Variants in ARHGEF26 observed in about 807,000 individuals in gnomAD.
ARHGEF26 encodes the protein Rho guanine nucleotide exchange factor (GEF) 26.
A neutral mutation model predicts 89.4 loss-of-function variants in ARHGEF26; 59 were observed. The observed-to-expected ratio is 0.66, with a 90% CI of 0.54 to 0.82. ARHGEF26 has a LOEUF of 0.82. Among genes scored for constraint, ARHGEF26 ranks in the 40% least tolerant of loss-of-function variants. The pLI is 0.00. For missense variants in ARHGEF26, 1,234 were observed against 1,085.6 expected (o/e 1.14, Z -1.92); for synonymous variants, 500 against 428.4 (o/e 1.17, Z -2.06).
At chr3:154,247,001 G>A (rs1717837331) in intron 12 of ARHGEF26, among the ~76,000 whole-genome samples, 1 of 152,164 alleles carries the variant, frequency 6.6e-6, no homozygotes, top group African/African-American at 2.4e-5. Flanking sequence ...GCACCCTGTT[G>A]AGGCCTCTCC....
chr3:154,122,054 G>T lies in ARHGEF26; in HGVS notation c.62G>T (p.Arg21Leu). The change falls in exon 2 of 15, where the codon CGG (arginine) becomes CTG (leucine). Residue 21 changes from arginine (R) to leucine (L), a missense_variant. By Grantham distance (102) the Arg-to-Leu change is moderately radical. Transcript: ENST00000465093. The part of the protein sequence containing the change: ...SNSITPLWRR[R>L]SIPQPHQVLG... ...AGCATAACCCCTTTGTGGCGGAGGC[G>T]GTCGATTCCTCAGCCCCACCAGGTT... is the stretch of plus-strand genomic sequence containing the variant. 6.2e-7 allele frequency: 1 copy of T among 1,611,718 alleles called. No individual in the cohort carries two copies. Among genetic ancestry groups the T allele is most frequent in the South Asian group, 1.1e-5 (1 of 90,962 alleles).
intron 4 of ARHGEF26, among the ~76,000 whole-genome samples, chr3:154,137,783 C>G (rs1367668257): frequency 4.7e-5 from 7 of 149,160 alleles, no homozygotes; most frequent in Non-Finnish European, 1.0e-4. Flanking sequence ...TTGAGACCAG[C>G]CTGGGCAACA....
At chr3:154,213,216 AGT>A (rs536410427) in intron 9 of ARHGEF26, among the ~76,000 whole-genome samples, 3 of 141,920 alleles carry the variant, frequency 2.1e-5, no homozygotes, top group Non-Finnish European at 1.6e-5. Context: ...AGAGAGAGAG[AGT>A]GTGTGTGTGT....
Position 154,255,368 on chromosome 3 carries a change from A to T in ARHGEF26, c.2511A>T (p.Arg837Ser), listed in dbSNP as rs778681523. 3.1e-6 allele frequency: 5 copies of T among 1,613,664 alleles called. No homozygotes were observed. Among genetic ancestry groups the T allele is most frequent in the Admixed American group, 1.7e-5 (1 of 59,956 alleles). ...GGGAACGACTACGAGATGGAGAAAGAGGCTGGTTTCCTATGGAATGTGCCA... is the reference window on the plus strand; with the variant it reads ...GGGAACGACTACGAGATGGAGAAAGTGGCTGGTTTCCTATGGAATGTGCCA... ...YEGERLRDGE[R>S]GWFPMECAKE... Residue 837 changes from arginine to serine, a missense_variant, in exon 15 of 15, where the codon AGA (arginine) becomes AGT (serine). Transcript: ENST00000465093.
At chr3:154,186,164 C>CACACACACCCCT (rs1713521593) in intron 6 of ARHGEF26, among the ~76,000 whole-genome samples, 1 of 151,052 alleles carries the variant, frequency 6.6e-6, no homozygotes, top group Non-Finnish European at 1.5e-5. Flanking sequence ...CACACACACA[C>CACACACACCCCT]ACCCCTATAC....
intron 9 of ARHGEF26, among the ~76,000 whole-genome samples, chr3:154,196,921 G>C (rs1714328020): frequency 6.6e-6 from 1 of 151,866 alleles, no homozygotes; most frequent in Non-Finnish European, 1.5e-5. Context: ...GAAAAAAATA[G>C]GAAGGTACTA....
At position 154,194,717 on chromosome 3, in the gene ARHGEF26, A is replaced by G; in HGVS notation, c.1844A>G (p.Lys615Arg). ...VCKRALKEVS[K>R]LVRLCNEGAR... ...AAAAGAGCCTTGAAGGAAGTTAGCA[A>G]GGTAACTGTTGGGTGACAGTTTGTT... The change falls in exon 9 of 15, where the codon AAG (lysine) becomes AGG (arginine). Residue 615 changes from lysine to arginine, a missense_variant and splice_region_variant. Coordinates refer to ENST00000465093, the MANE Select transcript of ARHGEF26 (RefSeq NM_015595.4). 6.2e-7 allele frequency: 1 copy of G among 1,611,142 alleles called. No individual in the cohort carries two copies. The highest frequency in any genetic ancestry group is 8.5e-7 in the Non-Finnish European group (1 of 1,178,468).
chr3:154,162,603 G>A (rs565857979), intron 6 of ARHGEF26, among the ~76,000 whole-genome samples: 4 of 152,196 alleles, frequency 2.6e-5, no homozygotes, highest in South Asian at 2.1e-4. Flanking sequence ...CGGTGTCTGC[G>A]TGGGTTTTCT....
intron 6 of ARHGEF26, among the ~76,000 whole-genome samples, chr3:154,175,039 C>T (rs1712711971): frequency 6.6e-6 from 1 of 152,142 alleles, no homozygotes; most frequent in African/African-American, 2.4e-5. Context: ...AATGGGTCTC[C>T]TGTATATACT....
At chr3:154,229,275 G>C (rs1208874562) in intron 11 of ARHGEF26, among the ~76,000 whole-genome samples, 1 of 152,102 alleles carries the variant, frequency 6.6e-6, no homozygotes, top group Non-Finnish European at 1.5e-5. Context: ...TCACAGGCAT[G>C]ATCATAGCAC....
intron 6 of ARHGEF26, among the ~76,000 whole-genome samples, chr3:154,171,932 G>A (rs546101977): frequency 1.3e-5 from 2 of 152,146 alleles, no homozygotes; most frequent in African/African-American, 2.4e-5. Context: ...AGGAAACCCC[G>A]GATTATGTGT....
intron 6 of ARHGEF26, among the ~76,000 whole-genome samples, chr3:154,168,525 C>T (rs577468946): frequency 6.6e-6 from 1 of 152,100 alleles, no homozygotes; most frequent in African/African-American, 2.4e-5. Flanking sequence ...TGCAGTGAAC[C>T]GAGATCACTC....
At chr3:154,206,533 A>G (rs911373776) in intron 9 of ARHGEF26, among the ~76,000 whole-genome samples, 3 of 152,206 alleles carry the variant, frequency 2.0e-5, no homozygotes, top group African/African-American at 7.2e-5. Context: ...AAAGAATAAA[A>G]TACCTAAGAA....
At chr3:154,252,749 T>A (rs968760694) in intron 12 of ARHGEF26, among the ~76,000 whole-genome samples, 1 of 152,182 alleles carries the variant, frequency 6.6e-6, no homozygotes, top group Non-Finnish European at 1.5e-5. Flanking sequence ...GTAGGATTTT[T>A]AAAAAATGAA....
intron 9 of ARHGEF26, among the ~76,000 whole-genome samples, chr3:154,215,474 A>G (rs759917099): frequency 6.6e-5 from 10 of 151,844 alleles, no homozygotes; most frequent in Non-Finnish European, 1.0e-4. Context: ...TACCTGAAAC[A>G]TAGTAGGCAC....
At chr3:154,127,486 G>T (rs188188310) in intron 3 of ARHGEF26, among the ~76,000 whole-genome samples, 51 of 151,542 alleles carry the variant, frequency 3.4e-4, no homozygotes, top group African/African-American at 9.2e-4. Flanking sequence ...TCAACATCTT[G>T]TCCCACAAGA....
chr3:154,254,854 G>GTGGTCCAGGATGCAGAGTGCTA, intron 14 of ARHGEF26, 30 bp downstream of exon 14: 1 of 1,583,476 alleles, frequency 6.3e-7, no homozygotes, highest in Non-Finnish European at 8.7e-7. Flanking sequence ...TGGGACACTC[G>GTGGTCCAGGATGCAGAGTGCTA]TGGTCCAGGA....
chr3:154,239,261 G>A (rs9816553), intron 11 of ARHGEF26, among the ~76,000 whole-genome samples: 2,765 of 104,242 alleles, frequency 0.027, 25 homozygotes, highest in East Asian at 0.068. Context: ...AGAGAGAGAG[G>A]GAGAGAGAGA....
chr3:154,194,432 A>T (rs976358305), intron 8 of ARHGEF26, among the ~76,000 whole-genome samples: 1 of 152,178 alleles, frequency 6.6e-6, no homozygotes, highest in African/African-American at 2.4e-5. Context: ...TCTGAATTCT[A>T]TCTTTCTTAA....
Sources: gnomAD v4.1 joint callset for allele counts (sites outside exome capture counted in the v4.1 genomes callset) on GRCh38, gnomAD v4.1.1 for gene constraint, MANE v1.5 for transcripts, NCBI Gene and HGNC (gene_info 2026-07-23, HGNC 2026-07-21) for gene names.